The following GSG1L variants were observed in gnomAD, a reference collection of about 807,000 sequenced individuals.
GSG1L encodes germ cell-specific gene 1-like protein.
A neutral mutation model predicts 42.1 loss-of-function variants in GSG1L; 24 were observed. The ratio of observed to expected loss-of-function variants is 0.57; its 90% CI spans 0.41 to 0.80. The LOEUF is 0.80. Ranked by LOEUF, GSG1L falls within the 30% of genes least tolerant of loss-of-function variation. The pLI, the probability that GSG1L is intolerant of heterozygous loss-of-function variation, is 0.00. For missense variants in GSG1L, 445 were observed against 472.2 expected (o/e 0.94, Z 0.53); for synonymous variants, 215 against 203.5 (o/e 1.06, Z -0.48).
chr16:28,007,991 A>G (rs2085665439), intron 1 of GSG1L, among the ~76,000 whole-genome samples: 2 of 152,188 alleles, frequency 1.3e-5, no homozygotes, highest in Non-Finnish European at 2.9e-5. Context: ...TAGAAACTGC[A>G]CGCATTTTAC....
At chr16:28,057,465 G>A (rs1457457171) in intron 1 of GSG1L, among the ~76,000 whole-genome samples, 1 of 152,184 alleles carries the variant, frequency 6.6e-6, no homozygotes, top group Admixed American at 6.5e-5. Context: ...CCAAGGGGCA[G>A]CTCCACTCAC....
At chr16:28,061,255 A>G (rs2086336679) in intron 1 of GSG1L, among the ~76,000 whole-genome samples, 1 of 152,310 alleles carries the variant, frequency 6.6e-6, no homozygotes, top group South Asian at 2.1e-4. Flanking sequence ...CGTGTGAGAG[A>G]TTAGGGTTGG....
chr16:28,051,331 C>T (rs2086220070), intron 1 of GSG1L, among the ~76,000 whole-genome samples: 1 of 152,072 alleles, frequency 6.6e-6, no homozygotes, highest in Non-Finnish European at 1.5e-5. Context: ...GCCAGTTCTG[C>T]CGGTGACTAG....
chr16:27,995,570 G>T (rs2085506873), intron 1 of GSG1L, among the ~76,000 whole-genome samples: 1 of 152,076 alleles, frequency 6.6e-6, no homozygotes, highest in Non-Finnish European at 1.5e-5. Context: ...AGACCACAGG[G>T]ACACACTTCT....
At chr16:28,009,680 A>G (rs2085690336) in intron 1 of GSG1L, among the ~76,000 whole-genome samples, 1 of 152,234 alleles carries the variant, frequency 6.6e-6, no homozygotes, top group Non-Finnish European at 1.5e-5. Flanking sequence ...ACAGGCTTCC[A>G]TGAGGCAGGG....
chr16:27,945,596 T>A (rs1218885046), intron 2 of GSG1L, among the ~76,000 whole-genome samples: 2 of 152,040 alleles, frequency 1.3e-5, no homozygotes, highest in Non-Finnish European at 2.9e-5. Flanking sequence ...AAATCCAAAA[T>A]GAAATTTCAA....
At chr16:27,929,844 G>A (rs2141071642) in intron 2 of GSG1L, among the ~76,000 whole-genome samples, 1 of 152,164 alleles carries the variant, frequency 6.6e-6, no homozygotes, top group East Asian at 1.9e-4. Flanking sequence ...GGAATGGGAG[G>A]GAAGAACAGC....
At chr16:27,966,958 A>G (rs1390616182) in intron 1 of GSG1L, among the ~76,000 whole-genome samples, 8 of 152,152 alleles carry the variant, frequency 5.3e-5, no homozygotes, top group Admixed American at 5.2e-4. Flanking sequence ...GGTTTGCCAC[A>G]GTCCCCACCG....
intron 5 of GSG1L, among the ~76,000 whole-genome samples, chr16:27,823,080 C>A (rs2083167087): frequency 6.6e-6 from 1 of 152,282 alleles, no homozygotes; most frequent in Non-Finnish European, 1.5e-5. Context: ...CAGATCTGAG[C>A]ATTAAGTATT....
At chr16:27,989,480 C>T (rs1353837707) in intron 1 of GSG1L, among the ~76,000 whole-genome samples, 2 of 152,106 alleles carry the variant, frequency 1.3e-5, no homozygotes, top group Middle Eastern at 3.2e-3. Flanking sequence ...TGGTTCACAC[C>T]TGTAATCCCA....
Position 27,828,851 on chromosome 16 carries a change from C to T in GSG1L, c.768G>A (p.Glu256=). The T allele has an allele frequency of 1.2e-6, 2 of 1,614,220 alleles. No individual in the cohort carries two copies. ...AGGTCGGCTCTTCCCGGTAGCCCTG[C>T]TCAAAGACCTTGCGCTTGTGCCGGA... ...IEFRHKRKVF[E]QGYREEPTFI... is the part of the protein sequence containing the mutation. The change falls in exon 5 of 7, where the codon GAG becomes GAA. Residue 256 remains glutamate, a synonymous_variant. Coordinates refer to ENST00000447459, the MANE Select transcript of GSG1L (RefSeq NM_001109763.2).
Position 28,009,589 on chromosome 16 carries a change from C to T in GSG1L, c.350-46386G>A, listed in dbSNP as rs74015197. 5.0e-3 allele frequency among the ~76,000 whole-genome samples: 769 copies of T among 152,310 alleles called. 8 individuals carry two copies. The highest frequency in any genetic ancestry group is 0.017 in the African/African-American group (716 of 41,554). ...TACCTATTTGGTGAATGAGTAAATG[C>T]GTGCTGTGTCATTACCCCCGTCTCT... On this transcript the variant is annotated intron_variant, in intron 1 of 6. Transcript: ENST00000447459.
chr16:27,800,937 A>C (rs2082874508), intron 6 of GSG1L, among the ~76,000 whole-genome samples: 1 of 152,152 alleles, frequency 6.6e-6, no homozygotes, highest in African/African-American at 2.4e-5. Flanking sequence ...AGAGGGACAA[A>C]TGCTAGGAAG....
intron 1 of GSG1L, among the ~76,000 whole-genome samples, chr16:28,026,454 C>T (rs774382071): frequency 1.2e-4 from 18 of 152,250 alleles, no homozygotes; most frequent in Non-Finnish European, 2.5e-4. Context: ...GGATGGGACT[C>T]GGGAAGAGGA....
At chr16:27,887,785 CT>C (rs1267458991) in intron 2 of GSG1L, among the ~76,000 whole-genome samples, 1 of 152,142 alleles carries the variant, frequency 6.6e-6, no homozygotes, top group African/African-American at 2.4e-5. Context: ...CTCTTCTTCC[CT>C]TTTTTTCTTT....
chr16:27,824,098 C>T (rs2083180442), intron 5 of GSG1L, among the ~76,000 whole-genome samples: 1 of 152,230 alleles, frequency 6.6e-6, no homozygotes, highest in Admixed American at 6.5e-5. Flanking sequence ...CAAGCTCATG[C>T]TTCACTCTGG....
intron 6 of GSG1L, among the ~76,000 whole-genome samples, chr16:27,794,601 G>T (rs1021474363): frequency 6.6e-6 from 1 of 152,154 alleles, no homozygotes; most frequent in African/African-American, 2.4e-5. Context: ...AAAGTGCTGG[G>T]ATTACAGGCT....
intron 1 of GSG1L, among the ~76,000 whole-genome samples, chr16:28,021,233 GCA>G (rs1373270342): frequency 1.3e-5 from 2 of 152,130 alleles, no homozygotes; most frequent in Non-Finnish European, 2.9e-5. Flanking sequence ...ATGGTGGAAG[GCA>G]GAAGGGGTGC....
intron 2 of GSG1L, among the ~76,000 whole-genome samples, chr16:27,932,187 G>GCTAATTTTT (rs2084664546): frequency 6.6e-6 from 1 of 152,060 alleles, no homozygotes; most frequent in Non-Finnish European, 1.5e-5. Flanking sequence ...CAAGTAGCTG[G>GCTAATTTTT]GATTACAGGC....
Sources: gnomAD v4.1 joint callset for allele counts (sites outside exome capture counted in the v4.1 genomes callset) on GRCh38, gnomAD v4.1.1 for gene constraint, MANE v1.5 for transcripts, NCBI Gene and HGNC (gene_info 2026-07-23, HGNC 2026-07-21) for gene names.